Variants in KHDRBS2 observed in about 807,000 individuals in gnomAD.
The protein encoded by KHDRBS2 is KH RNA binding domain containing, signal transduction associated 2, also known as KH domain-containing, RNA-binding, signal transduction-associated protein 2.
In KHDRBS2, 26 loss-of-function variants were observed where a neutral mutation model predicts 44.3. That is an observed-to-expected ratio of 0.59 (90% CI 0.43 to 0.81). The LOEUF (loss-of-function observed/expected upper bound fraction) is 0.81. Ranked by LOEUF, KHDRBS2 falls within the 40% of genes least tolerant of loss-of-function variation. KHDRBS2 has a pLI of 0.00. For missense variants in KHDRBS2, 476 were observed against 433.1 expected (o/e 1.10, Z -0.88); for synonymous variants, 194 against 151.1 (o/e 1.28, Z -2.08).
chr6:61,808,833 T>G (rs1306498803), intron 6 of KHDRBS2, among the ~76,000 whole-genome samples: 1 of 152,066 alleles, frequency 6.6e-6, no homozygotes, highest in Non-Finnish European at 1.5e-5. Context: ...AATTCAAATT[T>G]TCTTTTTTTC....
chr6:61,820,945 C>T (rs1238482241), intron 6 of KHDRBS2, among the ~76,000 whole-genome samples: 1 of 151,984 alleles, frequency 6.6e-6, no homozygotes, highest in East Asian at 1.9e-4. Flanking sequence ...ATGTTTCTTA[C>T]ATCTACTCTA....
rs536605540 is a variant in KHDRBS2, at chr6:62,215,806, A to AT, written c.92-38495dup. 2.0e-4 allele frequency among the ~76,000 whole-genome samples: 31 copies of AT among 151,788 alleles called. No individual in the cohort carries two copies. The South Asian group carries it at 6.5e-3, about 32-fold the overall frequency. The stretch of plus-strand genomic sequence containing the variant: ...ATAGGTTTTATAATCATGAGGACTT[A>AT]TGTTGAAGAAGCCAAAGTTGCAAAC... On this transcript the variant is annotated intron_variant, in intron 1 of 8. Coordinates refer to ENST00000281156, the MANE Select transcript of KHDRBS2 (RefSeq NM_152688.4).
the KHDRBS2 span, among the ~76,000 whole-genome samples, chr6:61,551,085 T>C: frequency 2.6e-5 from 4 of 152,162 alleles, no homozygotes; most frequent in African/African-American, 9.6e-5. Context: ...AGTTGGTATC[T>C]CATTGTGGTT....
chr6:62,120,153 A>G (rs1256781569), intron 2 of KHDRBS2, among the ~76,000 whole-genome samples: 2 of 152,152 alleles, frequency 1.3e-5, no homozygotes, highest in East Asian at 3.9e-4. Context: ...AGGTTCTAAT[A>G]GTTTATTTGC....
intron 1 of KHDRBS2, among the ~76,000 whole-genome samples, chr6:62,203,906 G>C (rs752093038): frequency 1.3e-5 from 2 of 152,182 alleles, no homozygotes; most frequent in Non-Finnish European, 2.9e-5. Flanking sequence ...GAGGTCCCAA[G>C]AATGGCTTGG....
At chr6:61,635,452 G>C in the KHDRBS2 span, among the ~76,000 whole-genome samples, 3 of 151,904 alleles carry the variant, frequency 2.0e-5, no homozygotes, top group African/African-American at 7.2e-5. Context: ...TTTTTAGAGG[G>C]AATGAACAGT....
At chr6:61,894,247 G>T (rs940527084) in intron 6 of KHDRBS2, among the ~76,000 whole-genome samples, 2 of 151,982 alleles carry the variant, frequency 1.3e-5, no homozygotes, top group African/African-American at 4.8e-5. Flanking sequence ...TACTCCCAAA[G>T]TTTATAATAT....
chr6:61,551,700 C>T, the KHDRBS2 span, among the ~76,000 whole-genome samples: 1 of 152,180 alleles, frequency 6.6e-6, no homozygotes, highest in East Asian at 1.9e-4. Context: ...TCTGGACTCT[C>T]TATTCTGTCC....
At chr6:62,146,242 A>G (rs1813909878) in intron 2 of KHDRBS2, among the ~76,000 whole-genome samples, 1 of 151,932 alleles carries the variant, frequency 6.6e-6, no homozygotes, top group South Asian at 2.1e-4. Flanking sequence ...TAAAAACAAA[A>G]CAAAACAAAA....
intron 2 of KHDRBS2, among the ~76,000 whole-genome samples, chr6:62,073,899 G>A (rs1300159212): frequency 1.3e-5 from 2 of 151,742 alleles, no homozygotes; most frequent in Non-Finnish European, 2.9e-5. Context: ...AAGAACGGCA[G>A]ATCACTTTGG....
chr6:61,662,185 G>C, the KHDRBS2 span, among the ~76,000 whole-genome samples: 1 of 152,114 alleles, frequency 6.6e-6, no homozygotes, highest in East Asian at 1.9e-4. Flanking sequence ...TGGGAAAACT[G>C]TCTAGCCATA....
chr6:61,827,274 G>A (rs1170325796), intron 6 of KHDRBS2, among the ~76,000 whole-genome samples: 1 of 152,178 alleles, frequency 6.6e-6, no homozygotes, highest in Non-Finnish European at 1.5e-5. Context: ...CTAGGTTACA[G>A]TTGGGAGGAG....
chr6:62,044,005 A>C (rs1787122987), intron 3 of KHDRBS2, among the ~76,000 whole-genome samples: 1 of 152,118 alleles, frequency 6.6e-6, no homozygotes, highest in Non-Finnish European at 1.5e-5. Context: ...ACTCATGTCT[A>C]ATACTTTTTA....
intron 2 of KHDRBS2, among the ~76,000 whole-genome samples, chr6:62,069,530 T>A (rs2127342951): frequency 6.6e-6 from 1 of 151,782 alleles, no homozygotes; most frequent in Middle Eastern, 3.4e-3. Context: ...TTCATATAGG[T>A]CTCATGGTGT....
At chr6:62,112,813 A>G (rs1275632167) in intron 2 of KHDRBS2, among the ~76,000 whole-genome samples, 2 of 152,126 alleles carry the variant, frequency 1.3e-5, no homozygotes, top group African/African-American at 4.8e-5. Context: ...ATATTGTTAG[A>G]ATAACAGAGC....
At chr6:61,947,451 A>G (rs1311609185) in intron 4 of KHDRBS2, among the ~76,000 whole-genome samples, 1 of 152,136 alleles carries the variant, frequency 6.6e-6, no homozygotes, top group African/African-American at 2.4e-5. Flanking sequence ...TGTAGGATTA[A>G]GTTCTGTAGT....
At chr6:61,800,476 T>C (rs572437350) in intron 6 of KHDRBS2, among the ~76,000 whole-genome samples, 7 of 152,162 alleles carry the variant, frequency 4.6e-5, no homozygotes, top group Non-Finnish European at 1.0e-4. Flanking sequence ...AGAGTTATCA[T>C]GTCCAAAATT....
chr6:61,831,875 T>C (rs1346455210), intron 6 of KHDRBS2, among the ~76,000 whole-genome samples: 1 of 152,182 alleles, frequency 6.6e-6, no homozygotes, highest in Admixed American at 6.5e-5. Context: ...TGTAGTAAAC[T>C]GTGAGCATAT....
At chr6:61,748,593 C>G (rs1777193550) in intron 6 of KHDRBS2, among the ~76,000 whole-genome samples, 1 of 152,168 alleles carries the variant, frequency 6.6e-6, no homozygotes, top group South Asian at 2.1e-4. Context: ...TTTATATATT[C>G]TATTGTAACT....
Sources: gnomAD v4.1 joint callset for allele counts (sites outside exome capture counted in the v4.1 genomes callset) on GRCh38, gnomAD v4.1.1 for gene constraint, MANE v1.5 for transcripts, NCBI Gene and HGNC (gene_info 2026-07-23, HGNC 2026-07-21) for gene names.